Variants in RCHY1 observed in about 807,000 individuals in gnomAD.
The protein encoded by RCHY1 is RING finger and CHY zinc finger domain-containing protein 1.
A neutral mutation model predicts 41.6 loss-of-function variants in RCHY1; 21 were observed. The observed-to-expected ratio is 0.51, with a 90% confidence interval of 0.36 to 0.73. The LOEUF (loss-of-function observed/expected upper bound fraction) is 0.73, where lower values mean the gene tolerates loss of function less well. Ranked by LOEUF, RCHY1 falls within the 30% of genes least tolerant of loss-of-function variation. The pLI is 0.00. For missense variants in RCHY1, 265 were observed against 325.3 expected (o/e 0.81, Z 1.43); for synonymous variants, 79 against 102.9 (o/e 0.77, Z 1.41).
Position 75,508,819 on chromosome 4 carries a change from C to A in RCHY1, c.326+1G>T. 1 of 1,553,154 alleles carries A rather than the reference C, an allele frequency of 6.4e-7. No individual in the cohort carries two copies. Among genetic ancestry groups the A allele is most frequent in the South Asian group, 1.2e-5 (1 of 86,930 alleles). Reference sequence around the variant, plus strand: ...AGATAAGAACACTTTACATACAGTACCTACAAATTCCACAGTTTTCACAGT... The same window carrying A: ...AGATAAGAACACTTTACATACAGTAACTACAAATTCCACAGTTTTCACAGT... On this transcript the variant is annotated splice_donor_variant, in intron 3 of 8. Transcript: ENST00000324439. LOFTEE classifies it high-confidence loss of function.
At chr4:75,508,789 C>G in intron 3 of RCHY1, 31 bp downstream of exon 3, 1 of 1,252,020 alleles carries the variant, frequency 8.0e-7, no homozygotes, top group Non-Finnish European at 1.1e-6. Context: ...ACATTAGAAG[C>G]AATTAGATAA....
intron 3 of RCHY1, among the ~76,000 whole-genome samples, chr4:75,497,876 G>T (rs1050281308): frequency 6.7e-6 from 1 of 150,198 alleles, no homozygotes; most frequent in Non-Finnish European, 1.5e-5. Context: ...CAGAGACAAA[G>T]AAAAAAAATC....
At chr4:75,506,103 GA>G (rs5859466) in intron 3 of RCHY1, among the ~76,000 whole-genome samples, 54 of 92,702 alleles carry the variant, frequency 5.8e-4, no homozygotes, top group African/African-American at 1.2e-3. Flanking sequence ...ATAAAGGGAG[GA>G]AAAAAAAAAA....
rs1360778496 is a variant in RCHY1 at position 75,481,852 on chromosome 4, C to T, written c.*686G>A. On this transcript the variant is annotated 3_prime_UTR_variant, in exon 9 of 9. Coordinates refer to ENST00000324439, the MANE Select transcript of RCHY1 (RefSeq NM_015436.4). ...TTCAATGTTGATGTTTTTATTAAGG[C>T]TTTGGAAGAGTCTTATTATTTTACA... 1.3e-5 allele frequency: 2 copies of T among 152,080 alleles called. No homozygotes were observed. The highest frequency in any genetic ancestry group is 4.8e-5 in the African/African-American group (2 of 41,416). The allele number at this position is 152,080 out of a possible 1,614,324, so 9.4% of individuals were successfully genotyped here. A position where few individuals can be genotyped will look rare whatever the true frequency, so the allele number is the denominator to read the frequency against.
Position 75,481,119 on chromosome 4 carries a change from G to C in RCHY1, c.*1419C>G, listed in dbSNP as rs532649122. On this transcript the variant is annotated 3_prime_UTR_variant, in exon 9 of 9. Transcript: ENST00000324439. The stretch of plus-strand genomic sequence containing the variant: ...GCCAGGCCAAGGAAACAGATGAAGG[G>C]AAAGAACATAAGAAGAGTGGAATAC... The C allele has an allele frequency of 6.6e-6, 1 of 152,386 alleles. No individual in the cohort carries two copies. Among genetic ancestry groups the C allele is most frequent in the Admixed American group, 6.5e-5 (1 of 15,292 alleles). 9.4% of individuals were successfully genotyped at this position (152,386 alleles called of 1,614,324 possible). A position where few individuals can be genotyped will look rare whatever the true frequency, so the allele number is the denominator to read the frequency against.
chr4:75,487,654 T>TATATATTATG (rs1722257539), intron 8 of RCHY1, among the ~76,000 whole-genome samples: 1 of 53,168 alleles, frequency 1.9e-5, no homozygotes, highest in Non-Finnish European at 3.2e-5. Context: ...TATATATTCA[T>TATATATTATG]AATATATATA....
chr4:75,511,305 C>G (rs1419831852), intron 1 of RCHY1, among the ~76,000 whole-genome samples: 1 of 152,178 alleles, frequency 6.6e-6, no homozygotes, highest in African/African-American at 2.4e-5. Context: ...AAGCTTCCAA[C>G]CTCACAAAAG....
At chr4:75,502,112 C>G (rs1723829125) in intron 3 of RCHY1, among the ~76,000 whole-genome samples, 1 of 151,822 alleles carries the variant, frequency 6.6e-6, no homozygotes, top group Non-Finnish European at 1.5e-5. Context: ...TGATTAAATT[C>G]AGCATTTAAC....
At position 75,487,655 on chromosome 4, in the gene RCHY1, AATATATATATTCATATATATTCATAAT is replaced by A. The variant is rs1560513008; in HGVS notation, c.657+2899_657+2925del. Among the ~76,000 whole-genome samples the A allele has an allele frequency of 9.0e-4, 28 of 31,012 alleles. 4 individuals are homozygous for A. In the East Asian group the frequency reaches 0.012, roughly 13 times the overall value. 20.3% of individuals were successfully genotyped at this position (31,012 alleles called of 152,430 possible). ...AATATATATATTCATATATATTCAT[AATATATATATTCATATATATTCATAAT>A]ATATATATTCATATATATATTCATA... is the stretch of plus-strand genomic sequence containing the variant. On this transcript the variant is annotated intron_variant, in intron 8 of 8. Coordinates refer to ENST00000324439, the MANE Select transcript of RCHY1 (RefSeq NM_015436.4).
chr4:75,513,398 T>C (rs1278102798), intron 1 of RCHY1, among the ~76,000 whole-genome samples: 1 of 152,190 alleles, frequency 6.6e-6, no homozygotes, highest in Non-Finnish European at 1.5e-5. Flanking sequence ...TAGTATATAA[T>C]CCTCATACAC....
At chr4:75,503,915 A>G (rs7661659) in intron 3 of RCHY1, among the ~76,000 whole-genome samples, 103,542 of 152,024 alleles carry the variant, frequency 0.68, 36,442 homozygotes, top group African/African-American at 0.87. Context: ...AAAGTACTTA[A>G]AAGGAAACAG....
intron 1 of RCHY1, 168 bp from the exon 2 acceptor site, chr4:75,509,464 A>G: frequency 1.7e-6 from 1 of 573,008 alleles, no homozygotes. Context: ...GTTTCTTGGC[A>G]TATTTTATGT....
intron 8 of RCHY1, among the ~76,000 whole-genome samples, chr4:75,485,610 C>A (rs1372153784): frequency 6.6e-6 from 1 of 152,078 alleles, no homozygotes; most frequent in Non-Finnish European, 1.5e-5. Context: ...TAGCTGTGTG[C>A]TTTTGAGATA....
At chr4:75,492,239 T>G (rs1722819414) in intron 4 of RCHY1, among the ~76,000 whole-genome samples, 1 of 151,964 alleles carries the variant, frequency 6.6e-6, no homozygotes, top group Non-Finnish European at 1.5e-5. Context: ...ATAATAAGAT[T>G]TGGAACCTTT....
At chr4:75,482,884 C>CAA (rs149346537) in intron 8 of RCHY1, among the ~76,000 whole-genome samples, 9 of 148,938 alleles carry the variant, frequency 6.0e-5, no homozygotes, top group African/African-American at 1.2e-4. Flanking sequence ...CAGATTTGAG[C>CAA]AAAAAAAAAG....
chr4:75,510,681 G>A (rs1578242526), intron 1 of RCHY1, among the ~76,000 whole-genome samples: 1 of 152,208 alleles, frequency 6.6e-6, no homozygotes, highest in African/African-American at 2.4e-5. Flanking sequence ...AAATTACTGA[G>A]AATCCCAAAG....
At position 75,514,380 on chromosome 4, in the gene RCHY1, C is replaced by A. The variant is rs1369854183; in HGVS notation, c.-94G>T. ...GCCTCTCTAGCACACCCCTCCCAGC[C>A]CCAGCGGCCACTAGCGACAATATGG... is the stretch of plus-strand genomic sequence containing the variant. On this transcript the variant is annotated 5_prime_UTR_variant, in exon 1 of 9. Transcript: ENST00000324439. 1.0e-5 allele frequency: 14 copies of A among 1,394,754 alleles called. No homozygotes were observed. Among genetic ancestry groups the A allele is most frequent in the African/African-American group, 1.4e-5 (1 of 70,348 alleles). The allele number at this position is 1,394,754 out of a possible 1,614,324, so 86.4% of individuals were successfully genotyped here.
rs1721397738 is a variant in RCHY1, at chr4:75,479,990, A to C, written c.*2548T>G. 6.6e-6 allele frequency: 1 copy of C among 152,218 alleles called. No individual in the cohort carries two copies. The highest frequency in any genetic ancestry group is 1.5e-5 in the Non-Finnish European group (1 of 68,040). The allele number at this position is 152,218 out of a possible 1,614,324, so 9.4% of individuals were successfully genotyped here. On this transcript the variant is annotated 3_prime_UTR_variant, in exon 9 of 9. Coordinates refer to ENST00000324439, the MANE Select transcript of RCHY1 (RefSeq NM_015436.4). ...CCTATACTTATGAAGTCAGAGAAAGAAAAAATATTTAAGGGTAAAGTTATG... is the reference window on the plus strand; with the variant it reads ...CCTATACTTATGAAGTCAGAGAAAGCAAAAATATTTAAGGGTAAAGTTATG...
In RCHY1 at chr4:75,480,628, T is replaced by A. The variant is rs957972320; in HGVS notation, c.*1910A>T. 4 of 152,224 alleles carry A rather than the reference T, an allele frequency of 2.6e-5. No homozygotes were observed. The highest frequency in any genetic ancestry group is 4.4e-5 in the Non-Finnish European group (3 of 68,034). 9.4% of individuals were successfully genotyped at this position (152,224 alleles called of 1,614,324 possible). On this transcript the variant is annotated 3_prime_UTR_variant, in exon 9 of 9. Coordinates refer to ENST00000324439, the MANE Select transcript of RCHY1 (RefSeq NM_015436.4). Reference sequence around the variant, plus strand: ...ACAGAAGAGCCTTATTATTATATACTCACTCCTATTTAAAGATCCAATGAT... The same window carrying A: ...ACAGAAGAGCCTTATTATTATATACACACTCCTATTTAAAGATCCAATGAT...
Sources: gnomAD v4.1 joint callset for allele counts (sites outside exome capture counted in the v4.1 genomes callset) on GRCh38, gnomAD v4.1.1 for gene constraint, MANE v1.5 for transcripts, NCBI Gene and HGNC (gene_info 2026-07-23, HGNC 2026-07-21) for gene names.